Variants in FBXW8 observed in about 807,000 individuals in gnomAD.
The protein encoded by FBXW8 is F-box and WD repeat domain containing 8.
FBXW8 carries 57 observed loss-of-function variants against 65.3 expected under a neutral mutation model. The observed-to-expected ratio is 0.87, with a 90% CI of 0.71 to 1.09. FBXW8 has a LOEUF of 1.09. Among genes scored for constraint, FBXW8 ranks in the 50% least tolerant of loss-of-function variants. FBXW8 has a pLI of 0.00. For synonymous variants in FBXW8, 308 were observed against 330.2 expected (o/e 0.93, Z 0.73); for missense variants, 777 against 814.8 (o/e 0.95, Z 0.57).
intron 1 of FBXW8, among the ~76,000 whole-genome samples, chr12:116,924,285 C>CTTTA (rs1565898887): frequency 6.6e-6 from 1 of 151,916 alleles, no homozygotes; most frequent in African/African-American, 2.4e-5. Flanking sequence ...CTGATAGCAT[C>CTTTA]TTTATTTATT....
At chr12:116,997,891 C>G (rs992127821) in intron 7 of FBXW8, among the ~76,000 whole-genome samples, 2 of 152,206 alleles carry the variant, frequency 1.3e-5, no homozygotes, top group African/African-American at 4.8e-5. Flanking sequence ...TCTCAGCTCA[C>G]TACAACCTCT....
At chr12:116,924,207 A>G (rs888661763) in intron 1 of FBXW8, among the ~76,000 whole-genome samples, 37 of 145,676 alleles carry the variant, frequency 2.5e-4, no homozygotes, top group African/African-American at 8.4e-4. Flanking sequence ...AAGTCAGTGT[A>G]GAGTTGGGTT....
intron 7 of FBXW8, among the ~76,000 whole-genome samples, chr12:117,008,945 T>A (rs1953741261): frequency 6.6e-6 from 1 of 152,106 alleles, no homozygotes; most frequent in South Asian, 2.1e-4. Context: ...CGGGCGCCTG[T>A]AGTCCCACCT....
rs144541283 is a variant in FBXW8 at position 116,920,878 on chromosome 12, G to T, written c.319-7145G>T. On this transcript the variant is annotated intron_variant, in intron 1 of 10. Coordinates refer to ENST00000652555, the MANE Select transcript of FBXW8 (RefSeq NM_153348.3). ...TTTACTCTTTTCACAAACCCACTGT[G>T]GTTTCAAAAACCACACCCACTGTGG... Among the ~76,000 whole-genome samples, 1,232 of 152,180 alleles carry T rather than the reference G, an allele frequency of 8.1e-3. 17 individuals are homozygous for T. The highest frequency in any genetic ancestry group is 0.028 in the African/African-American group (1,161 of 41,508).
chr12:116,958,526 A>G (rs1883792475), intron 4 of FBXW8, among the ~76,000 whole-genome samples: 1 of 152,172 alleles, frequency 6.6e-6, no homozygotes, highest in Non-Finnish European at 1.5e-5. Context: ...TTCCGTCAAC[A>G]CCCACTAAGC....
At chr12:116,927,890 C>T (rs1881450223) in intron 1 of FBXW8, 133 bp from the exon 2 acceptor site, 3 of 605,828 alleles carry the variant, frequency 5.0e-6, no homozygotes, top group Non-Finnish European at 8.8e-6. Context: ...GTATGGATGC[C>T]TCCCTCCTGG....
intron 4 of FBXW8, among the ~76,000 whole-genome samples, chr12:116,956,349 T>C (rs1318609012): frequency 1.3e-5 from 2 of 152,176 alleles, no homozygotes; most frequent in Non-Finnish European, 2.9e-5. Context: ...CCATTTTTGC[T>C]TCATTCCTTT....
Position 116,927,490 on chromosome 12 carries a change from A to G in FBXW8, c.319-533A>G, listed in dbSNP as rs1881420251. ...GTGTCTACTTGTTTACTTTTTGCTC[A>G]TGTTTATAGCCCTGTTCTTTTCCCA... On this transcript the variant is annotated intron_variant, in intron 1 of 10. Coordinates refer to ENST00000652555, the MANE Select transcript of FBXW8 (RefSeq NM_153348.3). 2.6e-5 allele frequency among the ~76,000 whole-genome samples: 4 copies of G among 152,256 alleles called. No homozygotes were observed. The South Asian group carries it at 8.3e-4, about 32-fold the overall frequency.
chr12:116,964,439 TG>T (rs1884182025), intron 4 of FBXW8, among the ~76,000 whole-genome samples: 1 of 152,350 alleles, frequency 6.6e-6, no homozygotes, highest in South Asian at 2.1e-4. Flanking sequence ...AAGGAGATCT[TG>T]CTACCCATGT....
At chr12:116,916,428 A>G (rs1880412620) in intron 1 of FBXW8, among the ~76,000 whole-genome samples, 1 of 152,222 alleles carries the variant, frequency 6.6e-6, no homozygotes, top group South Asian at 2.1e-4. Context: ...GGGCAAGATG[A>G]TAAAGACACA....
rs771702411 is a variant in FBXW8, at chr12:116,965,566, TC to T, written c.835+716del. On this transcript the variant is annotated intron_variant, in intron 5 of 10. Transcript: ENST00000652555. ...GTGTTGAATCTCCACAAGCTTCATG[TC>T]CCCACTTGCCCAAAAGTTGGGACCA... is the stretch of plus-strand genomic sequence containing the variant. Among the ~76,000 whole-genome samples the T allele has an allele frequency of 3.9e-5, 6 of 152,120 alleles. No individual in the cohort carries two copies. In the South Asian group the frequency reaches 6.2e-4, roughly 16 times the overall value.
At chr12:116,912,451 C>CTT (rs34430069) in intron 1 of FBXW8, among the ~76,000 whole-genome samples, 2,650 of 86,408 alleles carry the variant, frequency 0.031, 136 homozygotes, top group South Asian at 0.075. Flanking sequence ...GAGAATCATT[C>CTT]TTTTTTTTTT....
At chr12:116,930,561 T>C (rs1881688521) in intron 2 of FBXW8, among the ~76,000 whole-genome samples, 1 of 152,182 alleles carries the variant, frequency 6.6e-6, no homozygotes, top group Non-Finnish European at 1.5e-5. Context: ...TTATGAGATA[T>C]ATGGTTTGGA....
chr12:117,029,329 C>T lies in FBXW8; in HGVS notation c.*1157C>T, dbSNP rs1188528775. The stretch of plus-strand genomic sequence containing the variant: ...ACTCCAATGCAGAATAGTGAGAAAT[C>T]AACAAAAAGCAAAATAAGACAATTC... On this transcript the variant is annotated 3_prime_UTR_variant, in exon 11 of 11. Coordinates refer to ENST00000652555, the MANE Select transcript of FBXW8 (RefSeq NM_153348.3). 6.6e-6 allele frequency: 1 copy of T among 152,132 alleles called. No individual in the cohort carries two copies. The highest frequency in any genetic ancestry group is 1.5e-5 in the Non-Finnish European group (1 of 68,020). 9.4% of individuals were successfully genotyped at this position (152,132 alleles called of 1,614,324 possible).
rs1049725466 is a variant in FBXW8 at position 117,000,541 on chromosome 12, G to T, written c.1240-9782G>T. On this transcript the variant is annotated intron_variant, in intron 7 of 10. Coordinates refer to ENST00000652555, the MANE Select transcript of FBXW8 (RefSeq NM_153348.3). ...TCCGACTCAGTGGGTCGAGGGTGGG[G>T]CCTGAGAATTTGCATGTCTAACAAG... 1.8e-3 allele frequency among the ~76,000 whole-genome samples: 277 copies of T among 152,330 alleles called. 1 individual carries two copies. The highest frequency in any genetic ancestry group is 4.0e-4 in the Non-Finnish European group (27 of 68,030).
chr12:116,958,720 A>C (rs1464408563), intron 4 of FBXW8, among the ~76,000 whole-genome samples: 1 of 152,202 alleles, frequency 6.6e-6, no homozygotes, highest in Non-Finnish European at 1.5e-5. Context: ...CCTGCTGGGA[A>C]ATGACTTTCA....
At chr12:116,920,440 A>G (rs948324436) in intron 1 of FBXW8, among the ~76,000 whole-genome samples, 2 of 152,258 alleles carry the variant, frequency 1.3e-5, no homozygotes, top group Non-Finnish European at 2.9e-5. Context: ...GCCCTTGTGT[A>G]ACTTACATTC....
chr12:117,001,437 G>T (rs1565935634), intron 7 of FBXW8, among the ~76,000 whole-genome samples: 1 of 152,198 alleles, frequency 6.6e-6, no homozygotes, highest in Non-Finnish European at 1.5e-5. Flanking sequence ...CGATAACCAA[G>T]CTAGTGTAAT....
chr12:116,990,686 A>G (rs1296251369), intron 7 of FBXW8, among the ~76,000 whole-genome samples: 2 of 152,350 alleles, frequency 1.3e-5, no homozygotes, highest in East Asian at 3.9e-4. Context: ...TAATGGATAC[A>G]TTTGAGAAAC....
Sources: gnomAD v4.1 joint callset for allele counts (sites outside exome capture counted in the v4.1 genomes callset) on GRCh38, gnomAD v4.1.1 for gene constraint, MANE v1.5 for transcripts, NCBI Gene and HGNC (gene_info 2026-07-23, HGNC 2026-07-21) for gene names.